Variants in EYS observed in about 807,000 individuals in gnomAD.
EYS encodes protein eyes shut homolog.
EYS carries 250 observed loss-of-function variants against 282.1 expected under a neutral mutation model. That is an observed-to-expected ratio of 0.89 (90% CI 0.80 to 0.98). The LOEUF (loss-of-function observed/expected upper bound fraction) is 0.98, where lower values mean the gene tolerates loss of function less well. EYS is among the 50% of genes least tolerant of loss of function. The pLI, the probability that EYS is intolerant of heterozygous loss-of-function variation, is 0.00. For missense variants in EYS, 4,016 were observed against 3,709.0 expected, an observed-to-expected ratio of 1.08 and a Z score of -2.15; for synonymous variants, 1,355 against 1,282.9, an observed-to-expected ratio of 1.06 and a Z score of -1.20.
At chr6:65,546,449 T>C (rs933581139) in intron 2 of EYS, among the ~76,000 whole-genome samples, 3 of 152,146 alleles carry the variant, frequency 2.0e-5, no homozygotes, top group Non-Finnish European at 2.9e-5. Flanking sequence ...TTTATTTAAC[T>C]CACTGATTAA....
intron 2 of EYS, among the ~76,000 whole-genome samples, chr6:65,639,269 A>G (rs1260132603): frequency 6.6e-6 from 1 of 152,160 alleles, no homozygotes; most frequent in Non-Finnish European, 1.5e-5. Flanking sequence ...AAAGGAAGAG[A>G]ATAGAACTCT....
intron 12 of EYS, among the ~76,000 whole-genome samples, chr6:65,093,111 C>T (rs1014155976): frequency 1.3e-5 from 2 of 151,974 alleles, no homozygotes; most frequent in Admixed American, 1.3e-4. Context: ...TCAGCAGAAA[C>T]CTTTCAGGCA....
At chr6:63,772,322 C>T (rs1205576241) in intron 40 of EYS, among the ~76,000 whole-genome samples, 2 of 152,014 alleles carry the variant, frequency 1.3e-5, no homozygotes, top group African/African-American at 4.8e-5. Flanking sequence ...TACATTAATT[C>T]CAGTTCATAT....
chr6:64,626,200 A>T lies in EYS; in HGVS notation c.3489T>A (p.Asn1163Lys), dbSNP rs150951106. ...GTAGACATGGTGATGAAGAGCATTC[A>T]TTTATATTAATTTCACAAAATTGAC... ...FSGQFCEININECSSSPCLHG... is the reference protein window; with the variant it reads ...FSGQFCEINIKECSSSPCLHG... Residue 1163 changes from asparagine (N) to lysine (K), a missense_variant, in exon 23 of 43, where the codon AAT becomes AAA. Transcript: ENST00000503581. 465 of 1,534,824 alleles carry T rather than the reference A, an allele frequency of 3.0e-4. 2 individuals carry two copies. In the East Asian group the frequency reaches 7.5e-3, roughly 25 times the overall value.
chr6:64,997,607 T>C lies in EYS; in HGVS notation c.2234A>G (p.Asn745Ser), dbSNP rs201652272. The C allele has an allele frequency of 1.2e-3, 1,869 of 1,551,278 alleles. 6 individuals are homozygous for C. The highest frequency in any genetic ancestry group is 1.5e-3 in the Non-Finnish European group (1,724 of 1,146,588). ...GAGATGCAGGTCTTTGCAGGTAGAA[T>C]TGTGCTCACAGGCATTCAGGATGCA... ...DDCILNACEH[N>S]STCKDLHLSY... is the part of the protein sequence containing the mutation. The change falls in exon 14 of 43, where the codon AAT becomes AGT. Residue 745 changes from asparagine to serine, a missense_variant. Asn to Ser is a conservative substitution (Grantham distance 46, BLOSUM62 1). Coordinates refer to ENST00000503581, the MANE Select transcript of EYS (RefSeq NM_001142800.2).
chr6:65,606,567 A>T (rs1907016), intron 2 of EYS, among the ~76,000 whole-genome samples: 54,112 of 151,702 alleles, frequency 0.36, 12,055 homozygotes, highest in Non-Finnish European at 0.49. Flanking sequence ...ATTTTGGACA[A>T]TGACAATCGT....
chr6:64,303,580 C>T (rs375533512), intron 30 of EYS, among the ~76,000 whole-genome samples: 4 of 152,050 alleles, frequency 2.6e-5, no homozygotes, highest in East Asian at 1.9e-4. Flanking sequence ...CGGTGGCTCA[C>T]GCCTGTAATC....
chr6:64,369,360 T>G (rs1468500270), intron 29 of EYS, among the ~76,000 whole-genome samples: 1 of 152,110 alleles, frequency 6.6e-6, no homozygotes, highest in Non-Finnish European at 1.5e-5. Context: ...ACTTCAGCTT[T>G]GGTCTTTGGC....
At chr6:63,973,895 T>C (rs1041297843) in intron 35 of EYS, among the ~76,000 whole-genome samples, 1 of 152,126 alleles carries the variant, frequency 6.6e-6, no homozygotes, top group South Asian at 2.1e-4. Flanking sequence ...AATTTTTACT[T>C]TATTTTTCTA....
At chr6:64,333,882 G>A (rs575222029) in intron 29 of EYS, among the ~76,000 whole-genome samples, 22 of 152,270 alleles carry the variant, frequency 1.4e-4, no homozygotes, top group African/African-American at 5.1e-4. Context: ...TGTATGTGGA[G>A]GTACTAATCT....
At chr6:64,636,288 T>A (rs920568097) in intron 22 of EYS, among the ~76,000 whole-genome samples, 1 of 152,064 alleles carries the variant, frequency 6.6e-6, no homozygotes, top group Admixed American at 6.5e-5. Context: ...TAATGCCACA[T>A]ATCTACAACC....
intron 12 of EYS, among the ~76,000 whole-genome samples, chr6:65,102,627 G>T (rs181512182): frequency 0.016 from 2,391 of 150,840 alleles, 39 homozygotes; most frequent in South Asian, 0.024. Context: ...TTAAATTTTT[G>T]GGGAAAGTTT....
intron 26 of EYS, among the ~76,000 whole-genome samples, chr6:64,514,851 G>A (rs998822203): frequency 6.6e-6 from 1 of 151,756 alleles, no homozygotes; most frequent in Non-Finnish European, 1.5e-5. Context: ...CAGAAAAGTA[G>A]AAAAGGGAAC....
chr6:64,730,907 G>C (rs1205117696), intron 22 of EYS: 1 of 152,018 alleles, frequency 6.6e-6, no homozygotes. Flanking sequence ...GTAAATTCGA[G>C]GATTCATTTG....
intron 31 of EYS, among the ~76,000 whole-genome samples, chr6:64,148,694 ACTTT>A (rs1169241622): frequency 6.6e-6 from 1 of 152,018 alleles, no homozygotes; most frequent in Non-Finnish European, 1.5e-5. Context: ...TTTGTCCTAT[ACTTT>A]CTTTGTTTCT....
intron 19 of EYS, among the ~76,000 whole-genome samples, chr6:64,832,147 G>A (rs1765239103): frequency 6.6e-6 from 1 of 151,826 alleles, no homozygotes; most frequent in South Asian, 2.1e-4. Flanking sequence ...TATTAACTCT[G>A]ATTAACATGT....
chr6:64,945,469 G>A (rs1272415217), intron 15 of EYS, among the ~76,000 whole-genome samples: 1 of 152,052 alleles, frequency 6.6e-6, no homozygotes. Context: ...TCAGAGTGTG[G>A]TAGTTCTCAT....
intron 22 of EYS, among the ~76,000 whole-genome samples, chr6:64,710,858 A>C (rs1771188904): frequency 2.0e-5 from 3 of 152,240 alleles, no homozygotes; most frequent in Non-Finnish European, 4.4e-5. Context: ...AGTTTGAATT[A>C]TGGTCAGGAC....
intron 2 of EYS, among the ~76,000 whole-genome samples, chr6:65,585,975 G>A (rs1025894559): frequency 6.6e-6 from 1 of 151,978 alleles, no homozygotes; most frequent in Non-Finnish European, 1.5e-5. Context: ...GCAATTACTT[G>A]TGCACCTAGC....
Sources: allele counts gnomAD v4.1 joint callset (sites outside exome capture counted in the v4.1 genomes callset), GRCh38; gene constraint gnomAD v4.1.1; transcripts MANE v1.5; gene names NCBI Gene and HGNC (gene_info 2026-07-23, HGNC 2026-07-21).